Variants in MXRA5 observed in about 807,000 individuals in gnomAD.
MXRA5 encodes the protein matrix remodeling associated 5, also known as matrix-remodeling-associated protein 5.
MXRA5 carries 41 observed loss-of-function variants against 112.5 expected under a neutral mutation model. That is an observed-to-expected ratio of 0.36 (90% CI 0.28 to 0.47). The LOEUF (loss-of-function observed/expected upper bound fraction) is 0.47, where lower values mean the gene tolerates loss of function less well. MXRA5 is among the 20% of genes least tolerant of loss of function. The probability of loss-of-function intolerance (pLI) is 0.99; values close to 1 mark genes in which losing one functional copy is unlikely to be tolerated. For synonymous variants in MXRA5, 862 were observed against 900.8 expected (o/e 0.96, Z 0.77); for missense variants, 2,150 against 2,251.0 (o/e 0.96, Z 0.91).
Position 3,324,675 on chromosome X carries a change from T to C in MXRA5, c.1010A>G (p.Lys337Arg), listed in dbSNP as rs1458321691. Residue 337 changes from lysine to arginine, a missense_variant, in exon 5 of 7, where the codon AAG becomes AGG. Coordinates refer to ENST00000217939, the MANE Select transcript of MXRA5 (RefSeq NM_015419.4). ...AATCTTGTACACATCCATTGGTTTC[T>C]TGATGTCACAGACCAAGTTCACCAT... is the stretch of plus-strand genomic sequence containing the variant. ...GNMVNLVCDIKKPMDVYKIHL... is the reference protein window; with the variant it reads ...GNMVNLVCDIRKPMDVYKIHL... The C allele has an allele frequency of 4.1e-6, 5 of 1,209,163 alleles. No individual in the cohort carries two copies. The highest frequency in any genetic ancestry group is 5.6e-6 in the Non-Finnish European group (5 of 894,486).
At chrX:3,312,532 C>T (rs1198037588) in intron 6 of MXRA5, among the ~76,000 whole-genome samples, 2 of 109,166 alleles carry the variant, frequency 1.8e-5, no homozygotes, top group Admixed American at 9.8e-5. Flanking sequence ...ATAATGGGAG[C>T]CTTAATATTT....
rs777993260 is a variant in MXRA5, at chrX:3,310,246, C to T, written c.7957G>A (p.Glu2653Lys). Residue 2653 changes from glutamate to lysine, a missense_variant, in exon 7 of 7, where the codon GAG (glutamate) becomes AAG (lysine). By Grantham distance (56) the Glu-to-Lys change is moderately conservative. Transcript: ENST00000217939. The part of the protein sequence containing the change: ...YHNLVSIING[E>K]TLKLPCTPPG... The stretch of plus-strand genomic sequence containing the variant: ...GGGGTGCAGGGGAGCTTCAGGGTCT[C>T]ACCATTGATGATGCTGACCAGGTTA... 3 of 1,211,712 alleles carry T rather than the reference C, an allele frequency of 2.5e-6. No homozygotes were observed. In the Admixed American group the frequency reaches 6.5e-5, roughly 26 times the overall value.
At position 3,322,918 on chromosome X, in the gene MXRA5, T is replaced by G; in HGVS notation, c.2767A>C (p.Thr923Pro). ...TAGACTGTGTCTAATGTGTGCAGAG[T>G]AGGAGATGGTTCATAAGGCTCAGAT... ...LISEPYEPSPTLHTLDTVYEK... is the reference protein window; with the variant it reads ...LISEPYEPSPPLHTLDTVYEK... Residue 923 changes from threonine (T) to proline (P), a missense_variant, in exon 5 of 7, where the codon ACT becomes CCT. By Grantham distance (38) the Thr-to-Pro change is conservative. Around this residue, in one of 6 missense-constraint regions of MXRA5, gnomAD observed 1,485 missense variants for 1,471.6 expected, o/e 1.01. Transcript: ENST00000217939. 8.3e-7 allele frequency: 1 copy of G among 1,210,804 alleles called. No individual in the cohort carries two copies. The highest frequency in any genetic ancestry group is 1.1e-6 in the Non-Finnish European group (1 of 895,307).
intron 1 of MXRA5, among the ~76,000 whole-genome samples, chrX:3,345,827 G>GA (rs1178750003): frequency 1.2e-4 from 14 of 112,960 alleles, no homozygotes; most frequent in Admixed American, 9.3e-5. Context: ...CTGGCTGCGG[G>GA]ATGAATTACG....
intron 1 of MXRA5, among the ~76,000 whole-genome samples, chrX:3,346,272 C>A (rs1922105917): frequency 8.9e-6 from 1 of 111,919 alleles, no homozygotes; most frequent in African/African-American, 3.2e-5. Flanking sequence ...CTTAATTAGA[C>A]CTATTCAGTG....
intron 5 of MXRA5, among the ~76,000 whole-genome samples, chrX:3,318,434 A>C (rs1278368728): frequency 8.9e-6 from 1 of 112,203 alleles, no homozygotes; most frequent in African/African-American, 3.2e-5. Context: ...AGTGTGAGCC[A>C]CCACACCCAG....
intron 4 of MXRA5, among the ~76,000 whole-genome samples, chrX:3,327,665 G>A: frequency 8.9e-6 from 1 of 112,571 alleles, no homozygotes; most frequent in East Asian, 2.8e-4. Flanking sequence ...TAACTTCTGA[G>A]CACAACTGAT....
intron 4 of MXRA5, among the ~76,000 whole-genome samples, chrX:3,326,216 AT>A (rs1248132292): frequency 0.021 from 30 of 1,434 alleles, no homozygotes; most frequent in Non-Finnish European, 0.037. Context: ...TAATTTATAT[AT>A]TTATATATAA....
In MXRA5 at chrX:3,311,396, C is replaced by G; in HGVS notation, c.6807G>C (p.Gly2269=). ...TCCAGGAGATCTCGGGATTGGGAAG[C>G]CCGGTGGCCACACAGTCCACTTTCA... ...GDLKVDCVAT[G]LPNPEISWSL... The change falls in exon 7 of 7, where the codon GGG becomes GGC. Residue 2269 remains glycine, a synonymous_variant. Transcript: ENST00000217939. 1 of 1,211,871 alleles carries G rather than the reference C, an allele frequency of 8.3e-7. No individual in the cohort carries two copies. The highest frequency in any genetic ancestry group is 1.1e-6 in the Non-Finnish European group (1 of 895,555).
rs1363533143 is a variant in MXRA5 at position 3,320,671 on chromosome X, T to A, written c.5014A>T (p.Ile1672Phe). 1 of 1,210,221 alleles carries A rather than the reference T, an allele frequency of 8.3e-7. No homozygotes were observed. Among genetic ancestry groups the A allele is most frequent in the East Asian group, 3.0e-5 (1 of 33,777 alleles). Residue 1672 changes from isoleucine (I) to phenylalanine (F), a missense_variant, in exon 5 of 7, where the codon ATT becomes TTT. Ile to Phe is a conservative substitution (Grantham distance 21, BLOSUM62 0). Around this residue, in one of 6 missense-constraint regions of MXRA5, gnomAD observed 1,485 missense variants for 1,471.6 expected, o/e 1.01. Coordinates refer to ENST00000217939, the MANE Select transcript of MXRA5 (RefSeq NM_015419.4). Reference protein sequence around the residue: ...FTTPRLSSTTIPLPLHMSKPS... With the variant: ...FTTPRLSSTTFPLPLHMSKPS... ...TTGGACATGTGCAATGGGAGAGGAA[T>A]TGTTGTACTTGATAATCTTGGAGTT...
At position 3,317,822 on chromosome X, in the gene MXRA5, T is replaced by C; in HGVS notation, c.5859A>G (p.Leu1953=). 1.7e-6 allele frequency: 2 copies of C among 1,211,233 alleles called. No homozygotes were observed. The highest frequency in any genetic ancestry group is 2.2e-6 in the Non-Finnish European group (2 of 895,343). The change falls in exon 6 of 7, where the codon CTA becomes CTG. Residue 1953 remains leucine (L), a synonymous_variant. Coordinates refer to ENST00000217939, the MANE Select transcript of MXRA5 (RefSeq NM_015419.4). ...CAGTGACGTCCTGGTAGTGGGAGGC[T>C]AGGATTTGAGGTTGCTGCACGGTGA... ...LSVTVQQPQI[L]ASHYQDVTVY...
At position 3,324,954 on chromosome X, in the gene MXRA5, T is replaced by C; in HGVS notation, c.731A>G (p.Asp244Gly). 8.5e-7 allele frequency: 1 copy of C among 1,182,021 alleles called. No homozygotes were observed. The highest frequency in any genetic ancestry group is 1.1e-6 in the Non-Finnish European group (1 of 882,768). The change falls in exon 5 of 7, where the codon GAC (aspartate) becomes GGC (glycine). Residue 244 changes from aspartate (D) to glycine (G), a missense_variant. Transcript: ENST00000217939. The part of the protein sequence containing the change: ...KSRGILKCKK[D>G]KAYEGGQLCA... ...CAACTGACCGCCTTCATAAGCTTTG[T>C]CCTTTTTACACTTCAGAATTCCTAA...
At position 3,310,119 on chromosome X, in the gene MXRA5, G is replaced by A. The variant is rs752300445; in HGVS notation, c.8084C>T (p.Thr2695Ile). 8.3e-7 allele frequency: 1 copy of A among 1,211,643 alleles called. No individual in the cohort carries two copies. The highest frequency in any genetic ancestry group is 1.1e-6 in the Non-Finnish European group (1 of 895,358). Residue 2695 changes from threonine to isoleucine, a missense_variant, in exon 7 of 7, where the codon ACC (threonine) becomes ATC (isoleucine). Transcript: ENST00000217939. ...CACCGAGGCCTCACGAACCGTGAGG[G>A]TGCCATTGTCCAGAAGAGAAACGCG... is the stretch of plus-strand genomic sequence containing the variant. Reference protein sequence around the residue: ...LGRVSLLDNGTLTVREASVFD... With the variant: ...LGRVSLLDNGILTVREASVFD...
intron 6 of MXRA5, 44 bp from the exon 7 acceptor site, chrX:3,311,668 T>C: frequency 9.2e-7 from 1 of 1,081,246 alleles, no homozygotes; most frequent in Non-Finnish European, 1.3e-6. Flanking sequence ...GTTTCCCAAA[T>C]GCTCTAGTGT....
In MXRA5 at chrX:3,322,784, G is replaced by A. The variant is rs1921346201; in HGVS notation, c.2901C>T (p.Val967=). The A allele has an allele frequency of 8.3e-7, 1 of 1,209,747 alleles. No homozygotes were observed. The highest frequency in any genetic ancestry group is 1.8e-5 in the South Asian group (1 of 56,755). The change falls in exon 5 of 7, where the codon GTC becomes GTT. Residue 967 remains valine, a synonymous_variant. Coordinates refer to ENST00000217939, the MANE Select transcript of MXRA5 (RefSeq NM_015419.4). ...GCATGGGCTCAGACTCAGCCAAGGA[G>A]ACAGCATCCAATGGAGGCTCATACT... The part of the protein sequence containing the change: ...SSEYEPPLDA[V]SLAESEPMQY...
At position 3,322,827 on chromosome X, in the gene MXRA5, G is replaced by A; in HGVS notation, c.2858C>T (p.Pro953Leu). ...GWSAADVGSS[P>L]EPTSSEYEPP... ...CTCATACTCACTGGATGTGGGCTCT[G>A]GTGACGATCCAACATCTGCTGCAGA... The change falls in exon 5 of 7, where the codon CCA (proline) becomes CTA (leucine). Residue 953 changes from proline (P) to leucine (L), a missense_variant. Pro to Leu is a moderately conservative substitution (Grantham distance 98). Transcript: ENST00000217939. The A allele has an allele frequency of 8.3e-7, 1 of 1,211,595 alleles. No individual in the cohort carries two copies. Among genetic ancestry groups the A allele is most frequent in the Non-Finnish European group, 1.1e-6 (1 of 895,486 alleles).
intron 2 of MXRA5, among the ~76,000 whole-genome samples, chrX:3,336,473 G>T (rs1175198303): frequency 9.0e-6 from 1 of 111,599 alleles, no homozygotes; most frequent in Non-Finnish European, 1.9e-5. Context: ...CTATGTATAT[G>T]AAATGTTCAG....
intron 6 of MXRA5, among the ~76,000 whole-genome samples, chrX:3,315,945 T>A (rs1921104202): frequency 2.9e-5 from 3 of 104,958 alleles, no homozygotes; most frequent in African/African-American, 1.1e-4. Context: ...TCTTGGTTCA[T>A]TTATCCTTTT....
At chrX:3,325,839 T>TATAAATAAATATATAATAATAA (rs1921454185) in intron 4 of MXRA5, among the ~76,000 whole-genome samples, 1 of 95,923 alleles carries the variant, frequency 1.0e-5, no homozygotes, top group Admixed American at 1.3e-4. Flanking sequence ...ATAATATATT[T>TATAAATAAATATATAATAATAA]ATTCATAAAT....
Sources: gnomAD v4.1 joint callset for allele counts (sites outside exome capture counted in the v4.1 genomes callset) on GRCh38, gnomAD v4.1.1 for gene constraint, gnomAD v4.1.1 regional missense constraint, MANE v1.5 for transcripts, NCBI Gene and HGNC (gene_info 2026-07-23, HGNC 2026-07-21) for gene names.